NAV2: variants seen among roughly 807,000 people sequenced by gnomAD.
NAV2 encodes helicase, APC down-regulated 1.
In NAV2, 54 loss-of-function variants were observed where a neutral mutation model predicts 223.2. The ratio of observed to expected loss-of-function variants is 0.24; its 90% CI spans 0.19 to 0.30. The LOEUF (loss-of-function observed/expected upper bound fraction) is 0.30, where lower values mean the gene tolerates loss of function less well. Ranked by LOEUF, NAV2 falls within the 10% of genes least tolerant of loss-of-function variation. The probability of loss-of-function intolerance (pLI) is 1.00; values close to 1 mark genes in which losing one functional copy is unlikely to be tolerated. For synonymous variants in NAV2, 1,279 were observed against 1,239.3 expected, an observed-to-expected ratio of 1.03 and a Z score of -0.67; for missense variants, 2,806 against 3,147.5, an observed-to-expected ratio of 0.89 and a Z score of 2.60.
In NAV2 at chr11:19,998,418, C is replaced by T. The variant is rs751188794; in HGVS notation, c.2768+14171C>T. ...TACCCACCAGGGCCTTCATGCGGTACGTTCTCCACCCAGAAGCTATTGTAA... is the reference window on the plus strand; with the variant it reads ...TACCCACCAGGGCCTTCATGCGGTATGTTCTCCACCCAGAAGCTATTGTAA... On this transcript the variant is annotated intron_variant, in intron 11 of 37. Coordinates refer to ENST00000349880, the MANE Select transcript of NAV2 (RefSeq NM_145117.5). The surrounding 1 kb of genome is among the most constrained non-coding windows in gnomAD (Gnocchi z 5.0). Among the ~76,000 whole-genome samples the T allele has an allele frequency of 8.5e-5, 13 of 152,150 alleles. No individual in the cohort carries two copies. Among genetic ancestry groups the T allele is most frequent in the Admixed American group, 2.6e-4 (4 of 15,274 alleles).
intron 1 of NAV2, among the ~76,000 whole-genome samples, chr11:19,578,168 T>C (rs2045620141): frequency 6.6e-6 from 1 of 152,194 alleles, no homozygotes; most frequent in African/African-American, 2.4e-5. Context: ...AGTTCATGCA[T>C]CTCCAGTGCA....
At chr11:19,361,484 A>G (rs1795232333) in intron 1 of NAV2, among the ~76,000 whole-genome samples, 1 of 151,934 alleles carries the variant, frequency 6.6e-6, no homozygotes, top group East Asian at 2.0e-4. Flanking sequence ...GGCATTTGGT[A>G]TCTAGGTTGC....
chr11:19,893,388 G>T (rs374972035), intron 6 of NAV2, among the ~76,000 whole-genome samples: 1 of 152,122 alleles, frequency 6.6e-6, no homozygotes, highest in African/African-American at 2.4e-5. Flanking sequence ...CAGGTCTCCT[G>T]GAAGCATTTC....
intron 6 of NAV2, among the ~76,000 whole-genome samples, chr11:19,927,862 A>G (rs560512290): frequency 6.6e-6 from 1 of 152,346 alleles, no homozygotes; most frequent in Non-Finnish European, 1.5e-5. Flanking sequence ...ATGGCAATAT[A>G]TCATTCTTAC....
At chr11:19,884,405 A>G (rs1271529264) in intron 5 of NAV2, 1 of 1,523,512 alleles carries the variant, frequency 6.6e-7, no homozygotes, top group Non-Finnish European at 9.1e-7. Flanking sequence ...TTTAATCCCA[A>G]CCCACTGTTC....
In NAV2 at chr11:20,103,634, T is replaced by G; in HGVS notation, c.6573-19T>G. 6.2e-7 allele frequency: 1 copy of G among 1,613,510 alleles called. No individual in the cohort carries two copies. Among genetic ancestry groups the G allele is most frequent in the South Asian group, 1.1e-5 (1 of 91,060 alleles). On this transcript the variant is annotated intron_variant, in intron 33 of 37. Coordinates refer to ENST00000349880, the MANE Select transcript of NAV2 (RefSeq NM_145117.5). Reference sequence around the variant, plus strand: ...TTGGCTTGGAATCACAGCTTTCTTTTCCTTTATTTTATCCGCAGCCCTTAC... The same window carrying G: ...TTGGCTTGGAATCACAGCTTTCTTTGCCTTTATTTTATCCGCAGCCCTTAC...
At position 19,376,098 on chromosome 11, in the gene NAV2, T is replaced by C. The variant is rs536027818; in HGVS notation, c.75+25071T>C. On this transcript the variant is annotated intron_variant, in intron 1 of 37. Transcript: ENST00000360655. Reference sequence around the variant, plus strand: ...CAGCTGAGACCTTAAAAGCCAGATATGTCGCAGGGAAAAGGCAAGTTTATG... The same window carrying C: ...CAGCTGAGACCTTAAAAGCCAGATACGTCGCAGGGAAAAGGCAAGTTTATG... Among the ~76,000 whole-genome samples the C allele has an allele frequency of 4.6e-5, 7 of 152,356 alleles. No homozygotes were observed. The South Asian group carries it at 1.0e-3, about 23-fold the overall frequency.
chr11:19,894,988 C>G (rs2041834137), intron 6 of NAV2, among the ~76,000 whole-genome samples: 2 of 152,088 alleles, frequency 1.3e-5, no homozygotes, highest in Admixed American at 1.3e-4. Context: ...CCTCTGCCTC[C>G]CAATGTGCTG....
intron 10 of NAV2, among the ~76,000 whole-genome samples, chr11:19,973,973 C>T (rs775349388): frequency 6.6e-6 from 1 of 152,216 alleles, no homozygotes; most frequent in Non-Finnish European, 1.5e-5. Flanking sequence ...TTAGAAGAAA[C>T]TTAAAGTAGT....
intron 1 of NAV2, among the ~76,000 whole-genome samples, chr11:19,771,462 C>T (rs930797939): frequency 7.9e-5 from 12 of 152,072 alleles, no homozygotes; most frequent in African/African-American, 2.2e-4. Context: ...GCTGAGGGAA[C>T]AGCCTGAGCA....
At chr11:19,906,072 G>T (rs2042840725) in intron 6 of NAV2, among the ~76,000 whole-genome samples, 1 of 152,110 alleles carries the variant, frequency 6.6e-6, no homozygotes, top group Non-Finnish European at 1.5e-5. Flanking sequence ...CAGCTTCAGG[G>T]GGTCTCGGCT....
intron 3 of NAV2, among the ~76,000 whole-genome samples, chr11:19,849,724 G>A (rs12287043): frequency 0.13 from 20,381 of 152,242 alleles, 1,690 homozygotes; most frequent in East Asian, 0.29. Context: ...ACATGTTGCA[G>A]AACCAAGAAG....
chr11:19,428,449 T>A (rs1272203406), intron 1 of NAV2, among the ~76,000 whole-genome samples: 1 of 152,214 alleles, frequency 6.6e-6, no homozygotes, highest in Admixed American at 6.5e-5. Context: ...CTAGTGTACC[T>A]TCTTGGCTGC....
At chr11:19,944,605 T>TC (rs1213381681) in intron 8 of NAV2, among the ~76,000 whole-genome samples, 2 of 151,076 alleles carry the variant, frequency 1.3e-5, no homozygotes, top group African/African-American at 4.9e-5. Flanking sequence ...TCCTTTCCTT[T>TC]CTTTCTTCTT....
At chr11:19,431,486 G>C (rs1008202601) in intron 1 of NAV2, among the ~76,000 whole-genome samples, 4 of 152,118 alleles carry the variant, frequency 2.6e-5, no homozygotes, top group Non-Finnish European at 5.9e-5. Flanking sequence ...TTTTATTTCT[G>C]TTTCAGAAAA....
At chr11:19,706,560 G>C (rs960436867) in intron 1 of NAV2, among the ~76,000 whole-genome samples, 1 of 152,142 alleles carries the variant, frequency 6.6e-6, no homozygotes, top group African/African-American at 2.4e-5. Flanking sequence ...TAGATTGTGA[G>C]TTGTTTCTGT....
intron 2 of NAV2, among the ~76,000 whole-genome samples, chr11:19,842,509 A>ACT (rs2060563081): frequency 6.6e-6 from 1 of 152,138 alleles, no homozygotes; most frequent in Non-Finnish European, 1.5e-5. Context: ...TCCACTCTGA[A>ACT]CTATTCCGTC....
At position 19,561,105 on chromosome 11, in the gene NAV2, C is replaced by T. The variant is rs141576068; in HGVS notation, c.75+210078C>T. Among the ~76,000 whole-genome samples the T allele has an allele frequency of 1.9e-3, 293 of 152,272 alleles. 1 individual carries two copies. The highest frequency in any genetic ancestry group is 6.6e-3 in the African/African-American group (275 of 41,528). Reference sequence around the variant, plus strand: ...TTCTGGATGGATGACCTCAACCATCCCTTCCGATTCTAAATTTCAGCTTGG... The same window carrying T: ...TTCTGGATGGATGACCTCAACCATCTCTTCCGATTCTAAATTTCAGCTTGG... On this transcript the variant is annotated intron_variant, in intron 1 of 37. Transcript: ENST00000360655.
At chr11:20,034,771 A>T (rs2056188865) in intron 11 of NAV2, among the ~76,000 whole-genome samples, 1 of 152,182 alleles carries the variant, frequency 6.6e-6, no homozygotes, top group Non-Finnish European at 1.5e-5. Context: ...GACGTGACAG[A>T]GTGTGACAGG....
Sources: allele counts gnomAD v4.1 joint callset (sites outside exome capture counted in the v4.1 genomes callset), GRCh38; gene constraint gnomAD v4.1.1; non-coding constraint Gnocchi (gnomAD v3.1); transcripts MANE v1.5; gene names NCBI Gene and HGNC (gene_info 2026-07-23, HGNC 2026-07-21).